Variants in EPB41L5 observed in about 807,000 individuals in gnomAD.
The protein encoded by EPB41L5 is band 4.1-like protein 5.
A neutral mutation model predicts 106.6 loss-of-function variants in EPB41L5; 55 were observed. The observed-to-expected ratio is 0.52, with a 90% CI of 0.42 to 0.65. The LOEUF is 0.65. Ranked by LOEUF, EPB41L5 falls within the 30% of genes least tolerant of loss-of-function variation. EPB41L5 has a pLI of 0.00. For synonymous variants in EPB41L5, 297 were observed against 306.7 expected (o/e 0.97, Z 0.33); for missense variants, 871 against 882.1 (o/e 0.99, Z 0.16).
intron 14 of EPB41L5, among the ~76,000 whole-genome samples, chr2:120,095,693 G>A (rs1683707737): frequency 1.3e-5 from 2 of 151,768 alleles, no homozygotes; most frequent in Admixed American, 1.3e-4. Flanking sequence ...TTTTGAGACG[G>A]AGTCTTGCTC....
At chr2:120,036,129 A>G (rs1193586006) in intron 2 of EPB41L5, among the ~76,000 whole-genome samples, 1 of 152,204 alleles carries the variant, frequency 6.6e-6, no homozygotes, top group Non-Finnish European at 1.5e-5. Flanking sequence ...ATAAATCATA[A>G]TAGCACTGCC....
chr2:120,145,561 T>G (rs1047038974), intron 19 of EPB41L5, among the ~76,000 whole-genome samples: 1 of 151,334 alleles, frequency 6.6e-6, no homozygotes, highest in East Asian at 1.9e-4. Flanking sequence ...AGGCGGGGAG[T>G]GGGGGAGATA....
intron 3 of EPB41L5, among the ~76,000 whole-genome samples, chr2:120,053,778 G>A (rs2105257162): frequency 6.6e-6 from 1 of 152,264 alleles, no homozygotes; most frequent in East Asian, 1.9e-4. Flanking sequence ...GAATAATGCT[G>A]CTCTGAAGGC....
intron 10 of EPB41L5, among the ~76,000 whole-genome samples, chr2:120,080,005 C>T (rs1179069679): frequency 6.6e-6 from 1 of 151,878 alleles, no homozygotes; most frequent in African/African-American, 2.4e-5. Context: ...TGCTTAAATG[C>T]CTTAAAATGA....
At chr2:120,145,994 T>C (rs1686385547) in intron 19 of EPB41L5, among the ~76,000 whole-genome samples, 1 of 151,934 alleles carries the variant, frequency 6.6e-6, no homozygotes, top group African/African-American at 2.4e-5. Context: ...TCTAGTAAGA[T>C]TGTGTGAATT....
intron 16 of EPB41L5, chr2:120,105,682 T>C: frequency 7.1e-6 from 7 of 985,408 alleles, no homozygotes; most frequent in Non-Finnish European, 8.4e-6. Context: ...GTATCTTAAA[T>C]AGCCCGGCTC....
At position 120,164,873 on chromosome 2, in the gene EPB41L5, T is replaced by C; in HGVS notation, c.1925T>C (p.Leu642Pro). The change falls in exon 22 of 25, where the codon CTA becomes CCA. Residue 642 changes from leucine to proline, a missense_variant. By Grantham distance (98) the Leu-to-Pro change is moderately conservative. Coordinates refer to ENST00000263713, the MANE Select transcript of EPB41L5 (RefSeq NM_020909.4). ...TDELDALLASLTENLIDHTVA... is the reference protein window; with the variant it reads ...TDELDALLASPTENLIDHTVA... Reference sequence around the variant, plus strand: ...GAATTGGATGCCTTGCTTGCATCTCTAACTGAGAATCTAATTGATCACACA... The same window carrying C: ...GAATTGGATGCCTTGCTTGCATCTCCAACTGAGAATCTAATTGATCACACA... 6.2e-7 allele frequency: 1 copy of C among 1,612,194 alleles called. No individual in the cohort carries two copies. Among genetic ancestry groups the C allele is most frequent in the Non-Finnish European group, 8.5e-7 (1 of 1,179,182 alleles).
intron 20 of EPB41L5, among the ~76,000 whole-genome samples, chr2:120,148,577 C>T (rs868859133): frequency 6.6e-6 from 1 of 152,106 alleles, no homozygotes; most frequent in East Asian, 1.9e-4. Context: ...GTGGATTTAC[C>T]TACTCTGGAC....
chr2:120,120,773 A>G (rs1431587773), intron 16 of EPB41L5, among the ~76,000 whole-genome samples: 1 of 152,186 alleles, frequency 6.6e-6, no homozygotes, highest in Non-Finnish European at 1.5e-5. Context: ...CTGCAAGGGA[A>G]ATGGGAAAGA....
intron 15 of EPB41L5, 55 bp downstream of exon 15, chr2:120,100,341 G>A (rs1371000345): frequency 8.0e-6 from 12 of 1,508,412 alleles, no homozygotes; most frequent in Admixed American, 1.7e-5. Flanking sequence ...TATGGTAACA[G>A]TAGTAGTATT....
intron 2 of EPB41L5, among the ~76,000 whole-genome samples, chr2:120,041,468 T>A (rs1474806834): frequency 6.6e-6 from 1 of 152,168 alleles, no homozygotes; most frequent in Non-Finnish European, 1.5e-5. Flanking sequence ...AGTACTTTTC[T>A]TATGCTCTCA....
intron 16 of EPB41L5, chr2:120,104,266 C>T (rs1341476892): frequency 5.2e-6 from 8 of 1,525,204 alleles, no homozygotes; most frequent in Non-Finnish European, 6.1e-6. Context: ...GGCTTTGGGA[C>T]TCTTTGTCAT....
At chr2:120,022,219 A>G (rs549884430) in intron 2 of EPB41L5, among the ~76,000 whole-genome samples, 16 of 152,286 alleles carry the variant, frequency 1.1e-4, no homozygotes, top group African/African-American at 3.8e-4. Flanking sequence ...GTTCTGGGAT[A>G]CATGTGCAGA....
intron 16 of EPB41L5, among the ~76,000 whole-genome samples, chr2:120,110,889 G>C (rs553228852): frequency 6.6e-6 from 1 of 152,020 alleles, no homozygotes; most frequent in East Asian, 1.9e-4. Flanking sequence ...TGATCTGCCC[G>C]CCTTGGCCTC....
chr2:120,100,849 C>A, intron 16 of EPB41L5, 35 bp downstream of exon 16: 1 of 1,357,418 alleles, frequency 7.4e-7, no homozygotes, highest in Non-Finnish European at 1.0e-6. Flanking sequence ...TAAAATATTG[C>A]CTAGTTAATT....
intron 16 of EPB41L5, among the ~76,000 whole-genome samples, chr2:120,116,841 C>T (rs1222772597): frequency 6.6e-6 from 1 of 151,926 alleles, no homozygotes; most frequent in East Asian, 1.9e-4. Flanking sequence ...TGTAGTAAGT[C>T]TTTATGCTAC....
chr2:120,028,144 G>A (rs1420235288), intron 2 of EPB41L5, among the ~76,000 whole-genome samples: 3 of 152,026 alleles, frequency 2.0e-5, no homozygotes, highest in Non-Finnish European at 4.4e-5. Flanking sequence ...GATTACAGGC[G>A]TGAGCCACCG....
intron 3 of EPB41L5, among the ~76,000 whole-genome samples, chr2:120,063,793 T>A (rs981946935): frequency 1.3e-5 from 2 of 151,984 alleles, no homozygotes; most frequent in African/African-American, 2.4e-5. Flanking sequence ...ATAATAAAAA[T>A]TAGCCGGGCG....
In EPB41L5 at chr2:120,061,031, GTTTTTTTT is replaced by G. The variant is rs375754153; in HGVS notation, c.286-12127_286-12120del. ...TTAGAATTTTAACTGGTTCAGGGAA[GTTTTTTTT>G]TTTTTTTTTTTTTTTTTTTGAGAAG... On this transcript the variant is annotated intron_variant, in intron 3 of 24. Coordinates refer to ENST00000263713, the MANE Select transcript of EPB41L5 (RefSeq NM_020909.4). Among the ~76,000 whole-genome samples the G allele has an allele frequency of 2.9e-4, 20 of 69,126 alleles. No homozygotes were observed. In the South Asian group the frequency reaches 7.9e-3, roughly 27 times the overall value. 45.3% of individuals were successfully genotyped at this position (69,126 alleles called of 152,430 possible).
Sources: gnomAD v4.1 joint callset for allele counts (sites outside exome capture counted in the v4.1 genomes callset) on GRCh38, gnomAD v4.1.1 for gene constraint, MANE v1.5 for transcripts, NCBI Gene and HGNC (gene_info 2026-07-23, HGNC 2026-07-21) for gene names.